Variants in PLEKHG3 observed in about 807,000 individuals in gnomAD.
PLEKHG3 encodes the protein pleckstrin homology domain-containing family G member 3.
Under a neutral mutation model 94.9 loss-of-function variants are expected in PLEKHG3, and 62 were observed. The ratio of observed to expected loss-of-function variants is 0.65; its 90% confidence interval spans 0.53 to 0.81. PLEKHG3 has a LOEUF of 0.81. Among genes scored for constraint, PLEKHG3 ranks in the 30% least tolerant of loss-of-function variants. PLEKHG3 has a pLI of 0.00. For synonymous variants in PLEKHG3, 614 were observed against 654.0 expected (o/e 0.94, Z 0.93); for missense variants, 1,461 against 1,619.3 (o/e 0.90, Z 1.68).
chr14:64,741,128 T>C lies in PLEKHG3; in HGVS notation c.1611T>C (p.Ser537=). 6.2e-7 allele frequency: 1 copy of C among 1,614,020 alleles called. No homozygotes were observed. Among genetic ancestry groups the C allele is most frequent in the South Asian group, 1.1e-5 (1 of 91,080 alleles). Residue 537 remains serine (S), a synonymous_variant, in exon 16 of 17, where the codon TCT becomes TCC. Transcript: ENST00000247226. ...AGGAGACGCCTTCAGACACAGAATC[T>C]CCAGAAGTCCTGGAGACACAGCTTG... ...SAEETPSDTE[S]PEVLETQLDA...
In PLEKHG3 at chr14:64,716,481, AACACACACACACACAACACACACACAC is replaced by A. The variant is rs2081157441; in HGVS notation, c.-39-11096_-39-11070del. On this transcript the variant is annotated intron_variant, in intron 1 of 16. Coordinates refer to ENST00000247226, the MANE Select transcript of PLEKHG3 (RefSeq NM_001308147.2). The surrounding 1 kb of genome is among the most constrained non-coding windows in gnomAD (Gnocchi z 5.0). ...ACACACACACAACACACACACACAC[AACACACACACACACAACACACACACAC>A]ACACACACACACACACACACACACA... 8.6e-6 allele frequency among the ~76,000 whole-genome samples: 1 copy of A among 116,404 alleles called. No individual in the cohort carries two copies. The highest frequency in any genetic ancestry group is 8.5e-5 in the Admixed American group (1 of 11,726). 76.4% of individuals were successfully genotyped at this position (116,404 alleles called of 152,430 possible). A position where few individuals can be genotyped will look rare whatever the true frequency, so the allele number is the denominator to read the frequency against.
Position 64,743,802 on chromosome 14 carries a change from C to A in PLEKHG3, c.*99C>A. The A allele has an allele frequency of 7.5e-7, 1 of 1,337,038 alleles. No homozygotes were observed. The highest frequency in any genetic ancestry group is 9.9e-7 in the Non-Finnish European group (1 of 1,005,232). The allele number at this position is 1,337,038 out of a possible 1,614,324, so 82.8% of individuals were successfully genotyped here. Reference sequence around the variant, plus strand: ...GGGCTCATGGAGCCCCTGCCCAGGGCCCTCAGGTGGGCGGAAAGTCCATCC... The same window carrying A: ...GGGCTCATGGAGCCCCTGCCCAGGGACCTCAGGTGGGCGGAAAGTCCATCC... On this transcript the variant is annotated 3_prime_UTR_variant, in exon 17 of 17. Transcript: ENST00000247226. This position sits in a 1 kb window ranked among gnomAD's most constrained non-coding sequence, Gnocchi z 7.2.
chr14:64,729,243 CTG>C (rs1403679683), intron 3 of PLEKHG3, 150 bp downstream of exon 3: 1 of 554,394 alleles, frequency 1.8e-6, no homozygotes, highest in Non-Finnish European at 3.2e-6. Flanking sequence ...TTGTCCATCT[CTG>C]TGCCCTGGGC....
intron 1 of PLEKHG3, among the ~76,000 whole-genome samples, chr14:64,709,408 G>C (rs546098625): frequency 3.7e-4 from 56 of 152,298 alleles, no homozygotes; most frequent in Non-Finnish European, 5.1e-4. Context: ...TTTGGGGAGG[G>C]AGCCCTACGT....
Position 64,716,151 on chromosome 14 carries a change from T to C in PLEKHG3, c.-39-11442T>C, listed in dbSNP as rs2081141434. On this transcript the variant is annotated intron_variant, in intron 1 of 16. Transcript: ENST00000247226. The surrounding 1 kb of genome is among the most constrained non-coding windows in gnomAD (Gnocchi z 5.0). ...GGAATGGGGTGGGATGGGGACTCTT[T>C]CAACTCCGGGCCTCTAAGCCTTGCC... 1 of 432,234 alleles carries C rather than the reference T, an allele frequency of 2.3e-6. No individual in the cohort carries two copies. 26.8% of individuals were successfully genotyped at this position (432,234 alleles called of 1,614,324 possible).
rs2081919182 is a variant in PLEKHG3 at position 64,749,960 on chromosome 14, C to T, written c.*6257C>T. 3.1e-6 allele frequency: 5 copies of T among 1,614,108 alleles called. No individual in the cohort carries two copies. The highest frequency in any genetic ancestry group is 4.2e-6 in the Non-Finnish European group (5 of 1,180,058). On this transcript the variant is annotated 3_prime_UTR_variant, in exon 17 of 17. Coordinates refer to ENST00000247226, the MANE Select transcript of PLEKHG3 (RefSeq NM_001308147.2). The surrounding 1 kb of genome is among the most constrained non-coding windows in gnomAD (Gnocchi z 4.7). ...AAATCAAGCCATCAACCCGAGCTTTCAAAGGCCAGGAAGGCCTCACCTCAG... is the reference window on the plus strand; with the variant it reads ...AAATCAAGCCATCAACCCGAGCTTTTAAAGGCCAGGAAGGCCTCACCTCAG...
rs150626266 is a variant in PLEKHG3 at position 64,715,601 on chromosome 14, C to A, written c.-40+10897C>A. The A allele has an allele frequency of 4.2e-3, 675 of 160,954 alleles. 5 individuals are homozygous for A. The highest frequency in any genetic ancestry group is 0.012 in the Middle Eastern group (4 of 328). 10.0% of individuals were successfully genotyped at this position (160,954 alleles called of 1,614,324 possible). A position where few individuals can be genotyped will look rare whatever the true frequency, so the allele number is the denominator to read the frequency against. ...AGAAGGGTTAATTATCCTTCAGCCTCGAGGGCCTGGGGTGGGGGAGGTGCT... is the reference window on the plus strand; with the variant it reads ...AGAAGGGTTAATTATCCTTCAGCCTAGAGGGCCTGGGGTGGGGGAGGTGCT... On this transcript the variant is annotated intron_variant, in intron 1 of 16. Transcript: ENST00000247226. This position sits in a 1 kb window ranked among gnomAD's most constrained non-coding sequence, Gnocchi z 4.4.
In PLEKHG3 at chr14:64,732,053, G is replaced by A. The variant is rs1478432678; in HGVS notation, c.1126-42G>A. 2.1e-6 allele frequency: 3 copies of A among 1,434,704 alleles called. No homozygotes were observed. Among genetic ancestry groups the A allele is most frequent in the African/African-American group, 1.4e-5 (1 of 71,484 alleles). 88.9% of individuals were successfully genotyped at this position (1,434,704 alleles called of 1,614,324 possible). ...GTCCATGCTAGACAGCTTCAGGCCT[G>A]TAATGATAACCACTGGGTCCCTTTC... On this transcript the variant is annotated intron_variant, in intron 9 of 16. Transcript: ENST00000247226. The surrounding 1 kb of genome is among the most constrained non-coding windows in gnomAD (Gnocchi z 4.9).
At chr14:64,742,903 G>C in intron 16 of PLEKHG3, 79 bp from the exon 17 acceptor site, 1 of 1,434,630 alleles carries the variant, frequency 7.0e-7, no homozygotes, top group Non-Finnish European at 9.7e-7. Flanking sequence ...TGGAAAGTGA[G>C]TTGGGGCCTG....
At chr14:64,714,591 C>G (rs996094492) in intron 1 of PLEKHG3, among the ~76,000 whole-genome samples, 2 of 152,200 alleles carry the variant, frequency 1.3e-5, no homozygotes, top group African/African-American at 2.4e-5. Flanking sequence ...GTGTCCCTAG[C>G]ACGTGGCACA....
rs184194446 is a variant in PLEKHG3, at chr14:64,738,572, C to T, written c.1405-170C>T. 4.1e-4 allele frequency among the ~76,000 whole-genome samples: 63 copies of T among 152,336 alleles called. No homozygotes were observed. Among genetic ancestry groups the T allele is most frequent in the African/African-American group, 1.3e-3 (53 of 41,572 alleles). ...AAGCTGCATGCCTGACAAGGCTTTCCGCAGCCCCAGGCCTGGCAGTTCAGG... is the reference window on the plus strand; with the variant it reads ...AAGCTGCATGCCTGACAAGGCTTTCTGCAGCCCCAGGCCTGGCAGTTCAGG... On this transcript the variant is annotated intron_variant, in intron 14 of 16. Transcript: ENST00000247226. This position sits in a 1 kb window ranked among gnomAD's most constrained non-coding sequence, Gnocchi z 4.8.
chr14:64,731,020 CGT>C lies in PLEKHG3; in HGVS notation c.718-17_718-16del. On this transcript the variant is annotated splice_polypyrimidine_tract_variant and intron_variant, in intron 6 of 16. Transcript: ENST00000247226. This position sits in a 1 kb window ranked among gnomAD's most constrained non-coding sequence, Gnocchi z 6.1. ...GGCCTTCGGGTCAGGGGCACCTAAG[CGT>C]CTATCTTCTGCGCAGGAAATTGCCA... The C allele has an allele frequency of 1.9e-6, 3 of 1,613,960 alleles. No individual in the cohort carries two copies. The highest frequency in any genetic ancestry group is 2.5e-6 in the Non-Finnish European group (3 of 1,179,998).
intron 1 of PLEKHG3, among the ~76,000 whole-genome samples, chr14:64,709,090 TG>T (rs1307565451): frequency 6.6e-6 from 1 of 152,140 alleles, no homozygotes; most frequent in Non-Finnish European, 1.5e-5. Flanking sequence ...GTCAGCTGCC[TG>T]GGGATAAAGG....
At position 64,738,103 on chromosome 14, in the gene PLEKHG3, AGGAGCAGGAGGAGAGCCTGGCGGTGGC is replaced by A. The variant is rs1211957597; in HGVS notation, c.1405-630_1405-604del. 7.7e-7 allele frequency: 1 copy of A among 1,303,252 alleles called. No individual in the cohort carries two copies. The highest frequency in any genetic ancestry group is 1.5e-5 in the African/African-American group (1 of 66,840). 80.7% of individuals were successfully genotyped at this position (1,303,252 alleles called of 1,614,324 possible). On this transcript the variant is annotated intron_variant, in intron 14 of 16. Coordinates refer to ENST00000247226, the MANE Select transcript of PLEKHG3 (RefSeq NM_001308147.2). The surrounding 1 kb of genome is among the most constrained non-coding windows in gnomAD (Gnocchi z 4.8). ...CCCCCAGGCTCAGAGGAGGAGGAGGAGGAGCAGGAGGAGAGCCTGGCGGTGGCGGAGCAGGTAGCCGACTTTGCCAGC... is the reference window on the plus strand; with the variant it reads ...CCCCCAGGCTCAGAGGAGGAGGAGGAGGAGCAGGTAGCCGACTTTGCCAGC...
chr14:64,749,895 C>T lies in PLEKHG3; in HGVS notation c.*6192C>T. 6.3e-7 allele frequency: 1 copy of T among 1,575,648 alleles called. No individual in the cohort carries two copies. Among genetic ancestry groups the T allele is most frequent in the African/African-American group, 1.3e-5 (1 of 74,196 alleles). On this transcript the variant is annotated 3_prime_UTR_variant, in exon 17 of 17. Transcript: ENST00000247226. The surrounding 1 kb of genome is among the most constrained non-coding windows in gnomAD (Gnocchi z 4.7). ...CCTGAGGAGCAGCTCAGGCCTGGCACTGGTCCCCTACAGAGGGCCTCTGCC... is the reference window on the plus strand; with the variant it reads ...CCTGAGGAGCAGCTCAGGCCTGGCATTGGTCCCCTACAGAGGGCCTCTGCC...
At position 64,749,808 on chromosome 14, in the gene PLEKHG3, G is replaced by T. The variant is rs2081916168; in HGVS notation, c.*6105G>T. The T allele has an allele frequency of 6.7e-7, 1 of 1,499,500 alleles. No homozygotes were observed. Among genetic ancestry groups the T allele is most frequent in the Non-Finnish European group, 9.2e-7 (1 of 1,091,402 alleles). 92.9% of individuals were successfully genotyped at this position (1,499,500 alleles called of 1,614,324 possible). A position where few individuals can be genotyped will look rare whatever the true frequency, so the allele number is the denominator to read the frequency against. On this transcript the variant is annotated 3_prime_UTR_variant, in exon 17 of 17. Transcript: ENST00000247226. This position sits in a 1 kb window ranked among gnomAD's most constrained non-coding sequence, Gnocchi z 4.7. ...AGCCGAACATCCAGACCCCTCTCAG[G>T]CAGCCCAGCACTTTCTGAGAGGTCA...
At chr14:64,719,579 G>C (rs1474208164) in intron 1 of PLEKHG3, among the ~76,000 whole-genome samples, 1 of 152,050 alleles carries the variant, frequency 6.6e-6, no homozygotes, top group Non-Finnish European at 1.5e-5. Flanking sequence ...GCCTGTGGAT[G>C]AGTTTACTGC....
At position 64,749,234 on chromosome 14, in the gene PLEKHG3, G is replaced by A. The variant is rs1181088125; in HGVS notation, c.*5531G>A. ...CTCGATTCGACCGGCGGGCGGCGGC[G>A]AGAGGAGGCCAAGGCCTGGGCTGCC... On this transcript the variant is annotated 3_prime_UTR_variant, in exon 17 of 17. Coordinates refer to ENST00000247226, the MANE Select transcript of PLEKHG3 (RefSeq NM_001308147.2). The surrounding 1 kb of genome is among the most constrained non-coding windows in gnomAD (Gnocchi z 4.7). The A allele has an allele frequency of 5.3e-6, 8 of 1,514,900 alleles. No individual in the cohort carries two copies. The highest frequency in any genetic ancestry group is 2.5e-5 in the East Asian group (1 of 40,458). 93.8% of individuals were successfully genotyped at this position (1,514,900 alleles called of 1,614,324 possible).
At chr14:64,710,588 T>A (rs1171841504) in intron 1 of PLEKHG3, among the ~76,000 whole-genome samples, 5 of 152,078 alleles carry the variant, frequency 3.3e-5, no homozygotes, top group Non-Finnish European at 7.4e-5. Context: ...GGAGAATCAC[T>A]TGAACTCAGG....
Sources: gnomAD v4.1 joint callset for allele counts (sites outside exome capture counted in the v4.1 genomes callset) on GRCh38, gnomAD v4.1.1 for gene constraint, Gnocchi (gnomAD v3.1) non-coding constraint, MANE v1.5 for transcripts, NCBI Gene and HGNC (gene_info 2026-07-23, HGNC 2026-07-21) for gene names.